The following UBQLN4 variants were observed in gnomAD, a reference collection of about 807,000 sequenced individuals.
UBQLN4 encodes ubiquilin 4.
Under a neutral mutation model 60.4 loss-of-function variants are expected in UBQLN4, and 11 were observed. The ratio of observed to expected loss-of-function variants is 0.18; its 90% CI spans 0.11 to 0.30. The LOEUF (loss-of-function observed/expected upper bound fraction) is 0.30. Ranked by LOEUF, UBQLN4 falls within the 10% of genes least tolerant of loss-of-function variation. UBQLN4 has a pLI of 1.00. For missense variants in UBQLN4, 417 were observed against 795.5 expected (o/e 0.52, Z 5.72); for synonymous variants, 258 against 313.1 (o/e 0.82, Z 1.86).
At position 156,044,228 on chromosome 1, in the gene UBQLN4, G is replaced by A. The variant is rs1458148866; in HGVS notation, c.901-5C>T. ...AGAGAAGGGATTGTTGCCAAACTGG[G>A]AGGAGGGAAAGGTTTTGGGTTAAGG... On this transcript the variant is annotated splice_region_variant and splice_polypyrimidine_tract_variant and intron_variant, in intron 5 of 10. Coordinates refer to ENST00000368309, the MANE Select transcript of UBQLN4 (RefSeq NM_020131.5). 2 of 1,558,454 alleles carry A rather than the reference G, an allele frequency of 1.3e-6. No individual in the cohort carries two copies. The highest frequency in any genetic ancestry group is 1.7e-6 in the Non-Finnish European group (2 of 1,150,668).
downstream of UBQLN4, among the ~76,000 whole-genome samples, chr1:156,032,779 G>A (rs894540830): frequency 1.3e-5 from 2 of 152,164 alleles, no homozygotes; most frequent in Non-Finnish European, 2.9e-5. Flanking sequence ...GTAACAGGAT[G>A]GGTCGGTGGA....
downstream of UBQLN4, among the ~76,000 whole-genome samples, chr1:156,032,110 C>G (rs1435372117): frequency 1.3e-5 from 2 of 150,850 alleles, no homozygotes; most frequent in Non-Finnish European, 3.0e-5. Flanking sequence ...CCCAGCGACT[C>G]TCCTGCCTCA....
Position 156,053,574 on chromosome 1 carries a change from C to T in UBQLN4, c.108+20G>A. 2.6e-6 allele frequency: 3 copies of T among 1,160,134 alleles called. No individual in the cohort carries two copies. Among genetic ancestry groups the T allele is most frequent in the Non-Finnish European group, 3.3e-6 (3 of 900,558 alleles). 71.9% of individuals were successfully genotyped at this position (1,160,134 alleles called of 1,614,324 possible). ...AGACCCCTCCTCCGCGCTCCCCCCG[C>T]CCCCCGCCTGCTGTACTACCTCCTT... is the stretch of plus-strand genomic sequence containing the variant. On this transcript the variant is annotated intron_variant, in intron 1 of 10. Coordinates refer to ENST00000368309, the MANE Select transcript of UBQLN4 (RefSeq NM_020131.5).
intron 5 of UBQLN4, 84 bp from the exon 6 acceptor site, chr1:156,044,307 G>A: frequency 8.1e-7 from 1 of 1,233,972 alleles, no homozygotes. Context: ...TCACTTAATA[G>A]CCTCCCCTTC....
At chr1:156,051,680 TG>T in intron 2 of UBQLN4, 25 bp downstream of exon 2, 1 of 1,611,474 alleles carries the variant, frequency 6.2e-7, no homozygotes, top group Non-Finnish European at 8.5e-7. Flanking sequence ...AATCAGAAGC[TG>T]GATCTGCTCT....
chr1:156,033,088 A>G (rs1683322539), downstream of UBQLN4: 1 of 492,708 alleles, frequency 2.0e-6, no homozygotes, highest in Admixed American at 6.4e-5. Flanking sequence ...CTTATCCACC[A>G]ATGAAACCAA....
At chr1:156,040,118 G>T (rs893941907) in intron 10 of UBQLN4, among the ~76,000 whole-genome samples, 10 of 151,850 alleles carry the variant, frequency 6.6e-5, no homozygotes, top group African/African-American at 2.4e-4. Context: ...TTCTGGACGG[G>T]TGTGGTGGCT....
intron 1 of UBQLN4, 92 bp downstream of exon 1, chr1:156,053,502 G>T: frequency 1.0e-6 from 1 of 987,410 alleles, no homozygotes; most frequent in Non-Finnish European, 1.3e-6. Context: ...TCCTCTCCGG[G>T]GCCCTCCGGG....
At chr1:156,047,653 T>C (rs2102751591) in intron 5 of UBQLN4, among the ~76,000 whole-genome samples, 1 of 151,254 alleles carries the variant, frequency 6.6e-6, no homozygotes, top group South Asian at 2.1e-4. Flanking sequence ...CTCAGCACTT[T>C]TGGAGGCCAA....
Position 156,041,488 on chromosome 1 carries a change from T to G in UBQLN4, c.1650A>C (p.Ser550=). ...MIQLLAGSGN[S]QVQTPEVRFQ... is the part of the protein sequence containing the mutation. ...CTGCCCCCACTGCCTCATGTACCTG[T>G]GAGTTTCCACTTCCAGCCAAAAGCT... Residue 550 remains serine (S), a synonymous_variant, in exon 10 of 11, where the codon TCA becomes TCC. Transcript: ENST00000368309. 1.9e-6 allele frequency: 3 copies of G among 1,593,982 alleles called. No homozygotes were observed. The highest frequency in any genetic ancestry group is 2.3e-5 in the South Asian group (2 of 87,938).
rs1271695609 is a variant in UBQLN4 at position 156,037,148 on chromosome 1, T to C, written c.1654-18A>G. The stretch of plus-strand genomic sequence containing the variant: ...GTCTGCACCTGGAGGGGACAGGCCT[T>C]GTGAAGTGGGCACAGGACCAATCTT... On this transcript the variant is annotated intron_variant, in intron 10 of 10. Transcript: ENST00000368309. 2.5e-6 allele frequency: 4 copies of C among 1,612,498 alleles called. No homozygotes were observed. In the East Asian group the frequency reaches 6.7e-5, roughly 27 times the overall value.
chr1:156,048,435 C>T lies in UBQLN4; in HGVS notation c.900+66G>A. On this transcript the variant is annotated intron_variant, in intron 5 of 10. Coordinates refer to ENST00000368309, the MANE Select transcript of UBQLN4 (RefSeq NM_020131.5). The surrounding 1 kb of genome is among the most constrained non-coding windows in gnomAD (Gnocchi z 4.9). ...GAAAGAAGAGCAGGCCCAGGTTTGC[C>T]TGGGGTGGGGGTAGGGAATCTCGAG... 1 of 1,534,448 alleles carries T rather than the reference C, an allele frequency of 6.5e-7. No individual in the cohort carries two copies. Among genetic ancestry groups the T allele is most frequent in the Non-Finnish European group, 8.8e-7 (1 of 1,132,186 alleles).
intron 5 of UBQLN4, among the ~76,000 whole-genome samples, chr1:156,046,989 A>G (rs1389916545): frequency 2.0e-5 from 3 of 152,336 alleles, no homozygotes; most frequent in Non-Finnish European, 4.4e-5. Flanking sequence ...CATACTAGTT[A>G]CCTCTGGAAA....
In UBQLN4 at chr1:156,048,669, G is replaced by A; in HGVS notation, c.742-10C>T. 1 of 1,609,384 alleles carries A rather than the reference G, an allele frequency of 6.2e-7. No homozygotes were observed. Among genetic ancestry groups the A allele is most frequent in the South Asian group, 1.1e-5 (1 of 90,988 alleles). ...GAGCAAGCTCCATTGTCTGATCAAGGGAGAGAGACAAAATGGGCCCCGGAA... is the reference window on the plus strand; with the variant it reads ...GAGCAAGCTCCATTGTCTGATCAAGAGAGAGAGACAAAATGGGCCCCGGAA... On this transcript the variant is annotated splice_polypyrimidine_tract_variant and intron_variant, in intron 4 of 10. Coordinates refer to ENST00000368309, the MANE Select transcript of UBQLN4 (RefSeq NM_020131.5). This position sits in a 1 kb window ranked among gnomAD's most constrained non-coding sequence, Gnocchi z 4.9.
At chr1:156,042,258 G>C (rs1683587329) in intron 7 of UBQLN4, 22 bp from the exon 8 acceptor site, 1 of 1,567,936 alleles carries the variant, frequency 6.4e-7, no homozygotes, top group Non-Finnish European at 8.6e-7. Context: ...AAGGTAGCAG[G>C]GGGAGACCTG....
At chr1:156,045,981 G>C (rs182835674) in intron 5 of UBQLN4, among the ~76,000 whole-genome samples, 1 of 151,758 alleles carries the variant, frequency 6.6e-6, no homozygotes, top group East Asian at 1.9e-4. Context: ...GAGAAGCTGG[G>C]ATGACAGGCA....
Position 156,037,961 on chromosome 1 carries a change from T to C in UBQLN4, c.1654-831A>G, listed in dbSNP as rs756461008. 7.9e-5 allele frequency among the ~76,000 whole-genome samples: 12 copies of C among 152,300 alleles called. 1 individual carries two copies. The highest frequency in any genetic ancestry group is 2.6e-4 in the African/African-American group (11 of 41,560). The stretch of plus-strand genomic sequence containing the variant: ...AGGGTCTTGCACCCAGGCTGGAATA[T>C]AGTGGCAGAATCATAGCTCACTGCA... On this transcript the variant is annotated intron_variant, in intron 10 of 10. Coordinates refer to ENST00000368309, the MANE Select transcript of UBQLN4 (RefSeq NM_020131.5).
chr1:156,041,413 T>C (rs1683559170), intron 10 of UBQLN4, 72 bp downstream of exon 10: 6 of 1,460,128 alleles, frequency 4.1e-6, no homozygotes, highest in Non-Finnish European at 5.5e-6. Flanking sequence ...CTGCCTCTAT[T>C]CTATTGCTTC....
chr1:156,046,580 C>T (rs1243199724), intron 5 of UBQLN4, among the ~76,000 whole-genome samples: 3 of 150,530 alleles, frequency 2.0e-5, no homozygotes, highest in African/African-American at 4.9e-5. Flanking sequence ...CAGTGGCTCA[C>T]ACCTGTAATC....
Sources: gnomAD v4.1 joint callset for allele counts (sites outside exome capture counted in the v4.1 genomes callset) on GRCh38, gnomAD v4.1.1 for gene constraint, Gnocchi (gnomAD v3.1) non-coding constraint, MANE v1.5 for transcripts, NCBI Gene and HGNC (gene_info 2026-07-23, HGNC 2026-07-21) for gene names.